The following CMIP variants were observed in gnomAD, a reference collection of about 807,000 sequenced individuals.
The protein encoded by CMIP is C-Maf-inducing protein.
Under a neutral mutation model 97.3 loss-of-function variants are expected in CMIP, and 13 were observed. The ratio of observed to expected loss-of-function variants is 0.13; its 90% CI spans 0.09 to 0.21. The LOEUF (loss-of-function observed/expected upper bound fraction) is 0.21. Ranked by LOEUF, CMIP falls within the 10% of genes least tolerant of loss-of-function variation. The pLI, the probability that CMIP is intolerant of heterozygous loss-of-function variation, is 1.00. For missense variants in CMIP, 847 were observed against 1,024.9 expected (o/e 0.83, Z 2.37); for synonymous variants, 538 against 436.3 (o/e 1.23, Z -2.91).
intron 1 of CMIP, chr16:81,476,439 G>A (rs1220462901): frequency 2.1e-6 from 2 of 961,852 alleles, no homozygotes; most frequent in Non-Finnish European, 3.4e-6. Context: ...TTGGAAACTT[G>A]TTTGCAAACA....
At chr16:81,472,173 T>C (rs113414382) in intron 1 of CMIP, among the ~76,000 whole-genome samples, 30 of 152,366 alleles carry the variant, frequency 2.0e-4, no homozygotes, top group African/African-American at 6.3e-4. Flanking sequence ...ATCTCACTTA[T>C]TGCATTTGTG....
At chr16:81,645,905 A>G (rs184624785) in intron 3 of CMIP, 6 of 460,392 alleles carry the variant, frequency 1.3e-5, no homozygotes, top group Non-Finnish European at 2.0e-5. Flanking sequence ...TTTGCAGACA[A>G]GGAAACTGGT....
chr16:81,625,036 C>T (rs2092042520), intron 3 of CMIP, among the ~76,000 whole-genome samples: 2 of 152,230 alleles, frequency 1.3e-5, no homozygotes, highest in South Asian at 4.1e-4. Flanking sequence ...ATGGGGAAAC[C>T]TGAGTGTAGA....
Position 81,703,876 on chromosome 16 carries a change from G to T in CMIP, c.1945-63G>T, listed in dbSNP as rs931461350. ...GGGAGAGGAGGAGGATAGGGGATAG[G>T]AGGGCTCAGGGTCTCGGGAACTCCC... On this transcript the variant is annotated intron_variant, in intron 17 of 20. Coordinates refer to ENST00000537098, the MANE Select transcript of CMIP (RefSeq NM_198390.3). The T allele has an allele frequency of 7.2e-6, 11 of 1,535,084 alleles. No individual in the cohort carries two copies. The African/African-American group carries it at 1.5e-4, about 21-fold the overall frequency.
rs1288405519 is a variant in CMIP, at chr16:81,672,050, C to T, written c.1014C>T (p.Cys338=). The T allele has an allele frequency of 9.4e-6, 15 of 1,601,120 alleles. No homozygotes were observed. The highest frequency in any genetic ancestry group is 1.3e-5 in the Non-Finnish European group (15 of 1,172,768). ...TGTGCCTGGCTGCCATCTACTCCTG[C>T]TATGAAGAGTTCATCAACAGGTCAG... ...VAVCLAAIYS[C]YEEFINSRDN... is the part of the protein sequence containing the mutation. The change falls in exon 9 of 21, where the codon TGC becomes TGT. Residue 338 remains cysteine, a synonymous_variant. Transcript: ENST00000537098.
intron 9 of CMIP, among the ~76,000 whole-genome samples, chr16:81,676,277 T>C (rs1396238970): frequency 6.6e-6 from 1 of 152,060 alleles, no homozygotes; most frequent in Non-Finnish European, 1.5e-5. Flanking sequence ...AGCACGATGC[T>C]GCCAACACGT....
At chr16:81,658,663 G>A (rs991254470) in intron 5 of CMIP, among the ~76,000 whole-genome samples, 10 of 152,240 alleles carry the variant, frequency 6.6e-5, no homozygotes, top group African/African-American at 1.7e-4. Context: ...TTAAAGCAAC[G>A]TAGTGTGTTC....
chr16:81,490,161 C>T (rs1392408203), intron 1 of CMIP, among the ~76,000 whole-genome samples: 1 of 152,182 alleles, frequency 6.6e-6, no homozygotes, highest in African/African-American at 2.4e-5. Flanking sequence ...GGTTCCTGTT[C>T]CTCTCTGACA....
chr16:81,650,804 T>A (rs2092419388), intron 3 of CMIP, among the ~76,000 whole-genome samples: 1 of 152,228 alleles, frequency 6.6e-6, no homozygotes, highest in Non-Finnish European at 1.5e-5. Context: ...TTTTCCATCC[T>A]GACTTACAGA....
chr16:81,523,117 G>A (rs574203246), intron 1 of CMIP, among the ~76,000 whole-genome samples: 6 of 152,150 alleles, frequency 3.9e-5, no homozygotes, highest in South Asian at 2.1e-4. Context: ...ACAGGACTTC[G>A]CTATGTTGCC....
At chr16:81,500,059 G>A (rs1247656447) in intron 1 of CMIP, among the ~76,000 whole-genome samples, 1 of 152,090 alleles carries the variant, frequency 6.6e-6, no homozygotes, top group African/African-American at 2.4e-5. Context: ...GGGGCAATCG[G>A]CCTTCTTCAG....
chr16:81,562,956 G>A (rs1014565750), intron 1 of CMIP, among the ~76,000 whole-genome samples: 2 of 152,192 alleles, frequency 1.3e-5, no homozygotes, highest in South Asian at 2.1e-4. Flanking sequence ...GTAGGATGCA[G>A]AACTGCTGAG....
chr16:81,669,699 T>C (rs1334607719), intron 7 of CMIP, among the ~76,000 whole-genome samples: 1 of 76,336 alleles, frequency 1.3e-5, no homozygotes, highest in Non-Finnish European at 2.5e-5. Flanking sequence ...CCACCTCACA[T>C]TCACCTCCTC....
chr16:81,579,966 A>T (rs1351745736), intron 1 of CMIP, among the ~76,000 whole-genome samples: 1 of 152,226 alleles, frequency 6.6e-6, no homozygotes, highest in Non-Finnish European at 1.5e-5. Flanking sequence ...TCTCAAAAAA[A>T]GAAATTAAAA....
chr16:81,670,222 A>G lies in CMIP; in HGVS notation c.906A>G (p.Glu302=). Residue 302 remains glutamate, a synonymous_variant, in exon 8 of 21, where the codon GAA becomes GAG. Coordinates refer to ENST00000537098, the MANE Select transcript of CMIP (RefSeq NM_198390.3). ...TGAACGAGCTCAACGCGGGGATGGA[A>G]GTGGTGAAGAAGTTCATTCAGAGGT... ...LALNELNAGM[E]VVKKFIQSMH... is the part of the protein sequence containing the mutation. The G allele has an allele frequency of 6.2e-7, 1 of 1,611,224 alleles. No individual in the cohort carries two copies. The highest frequency in any genetic ancestry group is 8.5e-7 in the Non-Finnish European group (1 of 1,178,842).
chr16:81,521,970 A>G (rs1597501891), intron 1 of CMIP, among the ~76,000 whole-genome samples: 1 of 152,340 alleles, frequency 6.6e-6, no homozygotes, highest in Middle Eastern at 3.4e-3. Flanking sequence ...CTTTTTATCC[A>G]GGAAGGCGAG....
intron 1 of CMIP, among the ~76,000 whole-genome samples, chr16:81,534,332 G>A (rs578233335): frequency 1.3e-5 from 2 of 152,228 alleles, no homozygotes; most frequent in South Asian, 2.1e-4. Context: ...CATTTGCTCC[G>A]CAAGTTGTTT....
intron 1 of CMIP, among the ~76,000 whole-genome samples, chr16:81,582,659 A>G (rs1597114371): frequency 6.6e-6 from 1 of 152,090 alleles, no homozygotes; most frequent in Non-Finnish European, 1.5e-5. Context: ...GGTGGCTGCC[A>G]CACTCTAACT....
chr16:81,585,466 C>T (rs186951502), intron 1 of CMIP, among the ~76,000 whole-genome samples: 251 of 152,332 alleles, frequency 1.6e-3, no homozygotes, highest in African/African-American at 5.8e-3. Flanking sequence ...TGCCCATCAG[C>T]AGTCAGCCCT....
Sources: gnomAD v4.1 joint callset for allele counts (sites outside exome capture counted in the v4.1 genomes callset) on GRCh38, gnomAD v4.1.1 for gene constraint, MANE v1.5 for transcripts, NCBI Gene and HGNC (gene_info 2026-07-23, HGNC 2026-07-21) for gene names.